The following ROR2 variants were observed in gnomAD, a reference collection of about 807,000 sequenced individuals.
The protein encoded by ROR2 is ROR family WNT receptor 2, also known as tyrosine-protein kinase transmembrane receptor ROR2.
ROR2 carries 33 observed loss-of-function variants against 74.9 expected under a neutral mutation model. That is an observed-to-expected ratio of 0.44 (90% CI 0.33 to 0.59). The LOEUF (loss-of-function observed/expected upper bound fraction) is 0.59. Ranked by LOEUF, ROR2 falls within the 20% of genes least tolerant of loss-of-function variation. The pLI is 0.02. For missense variants in ROR2, 1,216 were observed against 1,313.8 expected, an observed-to-expected ratio of 0.93 and a Z score of 1.15; for synonymous variants, 586 against 558.7, an observed-to-expected ratio of 1.05 and a Z score of -0.69.
In ROR2 at chr9:91,723,703, T is replaced by G. The variant is rs200752982; in HGVS notation, c.2791A>C (p.Thr931Pro). The change falls in exon 9 of 9, where the codon ACT becomes CCT. Residue 931 changes from threonine (T) to proline (P), a missense_variant. Thr to Pro is a conservative substitution (Grantham distance 38). Transcript: ENST00000375708. ...ACTTGGGCCTCGTCCACCTGCAGAGTGTCACAGTCCCCCAGCAGCTCAGTC... is the reference window on the plus strand; with the variant it reads ...ACTTGGGCCTCGTCCACCTGCAGAGGGTCACAGTCCCCCAGCAGCTCAGTC... ...PETELLGDCD[T>P]LQVDEAQVQL... 6.2e-7 allele frequency: 1 copy of G among 1,613,696 alleles called. No individual in the cohort carries two copies. Among genetic ancestry groups the G allele is most frequent in the Admixed American group, 1.7e-5 (1 of 60,000 alleles).
rs535319754 is a variant in ROR2 at position 91,825,355 on chromosome 9, G to A, written c.98-49537C>T. Among the ~76,000 whole-genome samples the A allele has an allele frequency of 3.9e-5, 6 of 152,310 alleles. No individual in the cohort carries two copies. In the South Asian group the frequency reaches 1.2e-3, roughly 32 times the overall value. ...CACCCACCTGGACACCTGGGGCGAA[G>A]GTGTCAAACTTGTGGGGCACCCGGT... On this transcript the variant is annotated intron_variant, in intron 1 of 8. Coordinates refer to ENST00000375708, the MANE Select transcript of ROR2 (RefSeq NM_004560.4).
At chr9:91,894,232 C>T (rs969945850) in intron 1 of ROR2, among the ~76,000 whole-genome samples, 1 of 152,214 alleles carries the variant, frequency 6.6e-6, no homozygotes, top group Admixed American at 6.5e-5. Context: ...ACTCCCTCTA[C>T]CAAGAAGTCT....
At chr9:91,896,714 C>T (rs561321851) in intron 1 of ROR2, among the ~76,000 whole-genome samples, 34 of 152,232 alleles carry the variant, frequency 2.2e-4, no homozygotes, top group Non-Finnish European at 3.5e-4. Flanking sequence ...CCCTTTTAAA[C>T]TTACTTCTAA....
chr9:91,738,431 T>G (rs1259024806), intron 4 of ROR2, among the ~76,000 whole-genome samples: 1 of 152,186 alleles, frequency 6.6e-6, no homozygotes, highest in South Asian at 2.1e-4. Flanking sequence ...TGTGTTTGTG[T>G]ATACATGCAC....
In ROR2 at chr9:91,927,562, C is replaced by CTTTTTTTTTTTTTTTTT. The variant is rs775823582; in HGVS notation, c.97+22288_97+22304dup. Among the ~76,000 whole-genome samples, 91 of 94,942 alleles carry CTTTTTTTTTTTTTTTTT rather than the reference C, an allele frequency of 9.6e-4. 6 individuals carry two copies. Among genetic ancestry groups the CTTTTTTTTTTTTTTTTT allele is most frequent in the Non-Finnish European group, 1.4e-3 (73 of 50,500 alleles). The allele number at this position is 94,942 out of a possible 152,430, so 62.3% of individuals were successfully genotyped here. A position where few individuals can be genotyped will look rare whatever the true frequency, so the allele number is the denominator to read the frequency against. On this transcript the variant is annotated intron_variant, in intron 1 of 8. Coordinates refer to ENST00000375708, the MANE Select transcript of ROR2 (RefSeq NM_004560.4). The stretch of plus-strand genomic sequence containing the variant: ...TGGCTGGCTCTGTGTTTTCTAGATT[C>CTTTTTTTTTTTTTTTTT]TTTTTTTTTTTTTTTTTTTTTGAGA...
At chr9:91,786,351 T>TC (rs58982208) in intron 1 of ROR2, among the ~76,000 whole-genome samples, 7 of 79,252 alleles carry the variant, frequency 8.8e-5, no homozygotes, top group Admixed American at 1.8e-4. Flanking sequence ...AATCAATCAA[T>TC]AAGTAAATAA....
intron 1 of ROR2, among the ~76,000 whole-genome samples, chr9:91,806,813 T>C (rs1044434284): frequency 6.6e-6 from 1 of 152,120 alleles, no homozygotes; most frequent in Non-Finnish European, 1.5e-5. Flanking sequence ...ATGGTCTCGA[T>C]CTCCTGACCT....
chr9:91,822,170 C>A (rs10992124), intron 1 of ROR2, among the ~76,000 whole-genome samples: 44,797 of 152,098 alleles, frequency 0.29, 6,946 homozygotes, highest in Admixed American at 0.45. Context: ...ACCAGCTATA[C>A]AAAGTCAAGA....
chr9:91,758,630 G>A (rs945749759), intron 2 of ROR2, among the ~76,000 whole-genome samples: 3 of 152,194 alleles, frequency 2.0e-5, no homozygotes, highest in Admixed American at 2.0e-4. Context: ...CCAGAATGGG[G>A]AGTGAGTGGG....
intron 1 of ROR2, among the ~76,000 whole-genome samples, chr9:91,800,271 G>A (rs957731114): frequency 6.6e-6 from 1 of 152,048 alleles, no homozygotes; most frequent in African/African-American, 2.4e-5. Flanking sequence ...GAACCCGGGA[G>A]GCGGAGGTTG....
At chr9:91,763,564 C>G (rs1825977924) in intron 2 of ROR2, among the ~76,000 whole-genome samples, 1 of 152,332 alleles carries the variant, frequency 6.6e-6, no homozygotes, top group East Asian at 1.9e-4. Context: ...TCCTCGTGAG[C>G]TTCCACATCC....
intron 2 of ROR2, among the ~76,000 whole-genome samples, chr9:91,767,264 G>A (rs1222294347): frequency 1.3e-5 from 2 of 151,972 alleles, no homozygotes; most frequent in Admixed American, 6.6e-5. Context: ...TAATAGAGAC[G>A]GGGTTTCACT....
At chr9:91,878,774 C>A (rs1830022708) in intron 1 of ROR2, among the ~76,000 whole-genome samples, 1 of 152,230 alleles carries the variant, frequency 6.6e-6, no homozygotes, top group African/African-American at 2.4e-5. Context: ...AGAAAAGCTG[C>A]ACTTTAAGAA....
chr9:91,909,838 G>GTTTTT (rs1278227036), intron 1 of ROR2, among the ~76,000 whole-genome samples: 11 of 63,210 alleles, frequency 1.7e-4, no homozygotes, highest in Admixed American at 2.2e-4. Flanking sequence ...TTTTTTTTAG[G>GTTTTT]TTTGTTTTGT....
intron 1 of ROR2, among the ~76,000 whole-genome samples, chr9:91,875,331 C>T (rs1205510035): frequency 2.0e-5 from 3 of 152,168 alleles, no homozygotes; most frequent in African/African-American, 7.2e-5. Flanking sequence ...GCCAGTATTT[C>T]TCTGATTCCA....
intron 1 of ROR2, among the ~76,000 whole-genome samples, chr9:91,900,693 T>G (rs1025191513): frequency 1.3e-5 from 2 of 152,172 alleles, no homozygotes; most frequent in African/African-American, 4.8e-5. Context: ...CCAAGGCCAC[T>G]CCCACCTAGA....
intron 2 of ROR2, among the ~76,000 whole-genome samples, chr9:91,764,027 A>G (rs955865018): frequency 3.9e-5 from 6 of 152,122 alleles, no homozygotes; most frequent in African/African-American, 1.2e-4. Context: ...CATATTTTTA[A>G]TATGTTTATC....
intron 2 of ROR2, among the ~76,000 whole-genome samples, chr9:91,772,730 G>A (rs1826275300): frequency 6.6e-6 from 1 of 152,112 alleles, no homozygotes; most frequent in Non-Finnish European, 1.5e-5. Context: ...TTCGGTCATG[G>A]GAACGCACTG....
At chr9:91,856,474 G>C (rs1454986706) in intron 1 of ROR2, among the ~76,000 whole-genome samples, 1 of 152,202 alleles carries the variant, frequency 6.6e-6, no homozygotes, top group East Asian at 1.9e-4. Context: ...CTTTTAAAGA[G>C]GAGATTAAGG....
Sources: allele counts gnomAD v4.1 joint callset (sites outside exome capture counted in the v4.1 genomes callset), GRCh38; gene constraint gnomAD v4.1.1; transcripts MANE v1.5; gene names NCBI Gene and HGNC (gene_info 2026-07-23, HGNC 2026-07-21).